Variants in SH3GL3 observed in about 807,000 individuals in gnomAD.
SH3GL3 encodes endophilin-A3.
SH3GL3 carries 33 observed loss-of-function variants against 47.7 expected under a neutral mutation model. The observed-to-expected ratio is 0.69, with a 90% CI of 0.52 to 0.92. SH3GL3 has a LOEUF of 0.92. Among genes scored for constraint, SH3GL3 ranks in the 40% least tolerant of loss-of-function variants. The probability of loss-of-function intolerance (pLI) is 0.00; values close to 1 mark genes in which losing one functional copy is unlikely to be tolerated. For missense variants in SH3GL3, 363 were observed against 417.8 expected, an observed-to-expected ratio of 0.87 and a Z score of 1.14; for synonymous variants, 155 against 148.8, an observed-to-expected ratio of 1.04 and a Z score of -0.30.
intron 1 of SH3GL3, among the ~76,000 whole-genome samples, chr15:83,459,433 A>C (rs1018120074): frequency 5.3e-5 from 8 of 152,176 alleles, no homozygotes; most frequent in African/African-American, 1.9e-4. Flanking sequence ...GGGTTTATGA[A>C]AGATGGGTCT....
At chr15:83,572,222 A>G (rs1029000786) in intron 4 of SH3GL3, among the ~76,000 whole-genome samples, 1 of 152,196 alleles carries the variant, frequency 6.6e-6, no homozygotes, top group Non-Finnish European at 1.5e-5. Flanking sequence ...AAGAGATTTT[A>G]TTCTCAAGCT....
At chr15:83,554,622 A>T (rs1411548826) in intron 1 of SH3GL3, among the ~76,000 whole-genome samples, 1 of 152,166 alleles carries the variant, frequency 6.6e-6, no homozygotes, top group African/African-American at 2.4e-5. Context: ...ACCTGACCTC[A>T]GGTGATCCAC....
chr15:83,458,865 T>C (rs1282608346), intron 1 of SH3GL3, among the ~76,000 whole-genome samples: 1 of 152,232 alleles, frequency 6.6e-6, no homozygotes, highest in African/African-American at 2.4e-5. Flanking sequence ...GGGATAGGAC[T>C]AATAGGTTAG....
Position 83,554,477 on chromosome 15 carries a change from C to T in SH3GL3, c.46-4776C>T, listed in dbSNP as rs756274755. The stretch of plus-strand genomic sequence containing the variant: ...TTGGGATTACAGGCATGAGCCACTG[C>T]ACCCAGCCTTGCTCTTAAACAACAG... On this transcript the variant is annotated intron_variant, in intron 1 of 8. Coordinates refer to ENST00000427482, the MANE Select transcript of SH3GL3 (RefSeq NM_003027.5). Among the ~76,000 whole-genome samples the T allele has an allele frequency of 2.3e-4, 35 of 152,232 alleles. No individual in the cohort carries two copies. The South Asian group carries it at 3.1e-3, about 14-fold the overall frequency.
chr15:83,449,883 C>T (rs1364016375), intron 1 of SH3GL3, among the ~76,000 whole-genome samples: 3 of 152,106 alleles, frequency 2.0e-5, no homozygotes, highest in Non-Finnish European at 4.4e-5. Flanking sequence ...TGCAATGCAA[C>T]AATTTGGTGG....
intron 2 of SH3GL3, among the ~76,000 whole-genome samples, chr15:83,561,988 A>T (rs1269446045): frequency 6.6e-6 from 1 of 150,998 alleles, no homozygotes; most frequent in South Asian, 2.1e-4. Flanking sequence ...TTGGCAGGAT[A>T]TTTGCATAGC....
At chr15:83,566,970 T>C (rs569862192) in intron 3 of SH3GL3, among the ~76,000 whole-genome samples, 1 of 152,340 alleles carries the variant, frequency 6.6e-6, no homozygotes, top group African/African-American at 2.4e-5. Flanking sequence ...TTTGGAGGCA[T>C]TGATTTAAAA....
chr15:83,491,950 C>A (rs2041890314), intron 1 of SH3GL3, among the ~76,000 whole-genome samples: 1 of 151,976 alleles, frequency 6.6e-6, no homozygotes, highest in Non-Finnish European at 1.5e-5. Context: ...GGTTTCTTGC[C>A]AAAAAATAGA....
chr15:83,478,876 T>C (rs1280010388), intron 1 of SH3GL3, among the ~76,000 whole-genome samples: 2 of 152,210 alleles, frequency 1.3e-5, no homozygotes, highest in Non-Finnish European at 2.9e-5. Context: ...GCTGATAACT[T>C]TCTCCACTGA....
intron 1 of SH3GL3, among the ~76,000 whole-genome samples, chr15:83,544,031 AT>A (rs954407425): frequency 1.5e-4 from 22 of 149,370 alleles, no homozygotes; most frequent in African/African-American, 3.2e-4. Flanking sequence ...CCTGATTTTA[AT>A]TTTTTTTTCT....
the SH3GL3 span, among the ~76,000 whole-genome samples, chr15:83,633,531 G>A: frequency 4.6e-5 from 7 of 152,018 alleles, no homozygotes; most frequent in Non-Finnish European, 1.0e-4. Flanking sequence ...ACAACCCATG[G>A]TATGCCCGCT....
chr15:83,531,839 TGA>T (rs150286529), intron 1 of SH3GL3, among the ~76,000 whole-genome samples: 1 of 150,978 alleles, frequency 6.6e-6, no homozygotes, highest in Admixed American at 6.6e-5. Flanking sequence ...TGTGTGTGTC[TGA>T]GAGAGAGAGA....
chr15:83,581,963 G>A (rs554615432), intron 6 of SH3GL3, among the ~76,000 whole-genome samples: 2 of 152,318 alleles, frequency 1.3e-5, no homozygotes, highest in South Asian at 2.1e-4. Context: ...GGATCCAAGA[G>A]GGGCAGTCCC....
intron 6 of SH3GL3, among the ~76,000 whole-genome samples, chr15:83,580,917 G>A (rs2059812850): frequency 6.6e-6 from 1 of 152,246 alleles, no homozygotes; most frequent in South Asian, 2.1e-4. Flanking sequence ...AGAGGACTTA[G>A]AAGCATTCGC....
intron 1 of SH3GL3, among the ~76,000 whole-genome samples, chr15:83,525,335 A>T: frequency 7.4e-6 from 1 of 135,042 alleles, no homozygotes; most frequent in African/African-American, 2.9e-5. Context: ...TGCTATTTTA[A>T]ATGAGATTCT....
chr15:83,597,791 G>A (rs571157817), intron 8 of SH3GL3, among the ~76,000 whole-genome samples: 2 of 152,082 alleles, frequency 1.3e-5, no homozygotes, highest in Non-Finnish European at 2.9e-5. Context: ...TGTATTTTTA[G>A]TAGAGACGGG....
At chr15:83,505,820 G>A (rs2042477825) in intron 1 of SH3GL3, among the ~76,000 whole-genome samples, 1 of 152,184 alleles carries the variant, frequency 6.6e-6, no homozygotes, top group South Asian at 2.1e-4. Flanking sequence ...ATGAGCCACT[G>A]CGTCCGGCCT....
chr15:83,618,421 A>G lies in SH3GL3; in HGVS notation c.*134A>G. ...ACTTTTGTATGTGTGCTCTCTTTAT[A>G]ATGTATTTTATATCACTTTAATTTG... On this transcript the variant is annotated 3_prime_UTR_variant, in exon 9 of 9. Transcript: ENST00000427482. 1.6e-6 allele frequency: 1 copy of G among 621,736 alleles called. No homozygotes were observed. Among genetic ancestry groups the G allele is most frequent in the East Asian group, 2.7e-5 (1 of 36,494 alleles). 38.5% of individuals were successfully genotyped at this position (621,736 alleles called of 1,614,324 possible).
intron 8 of SH3GL3, 72 bp downstream of exon 8, chr15:83,588,843 G>C: frequency 1.2e-6 from 1 of 814,624 alleles, no homozygotes; most frequent in Non-Finnish European, 2.2e-6. Context: ...TTTACTGCTT[G>C]TTTCTGGGTC....
Sources: gnomAD v4.1 joint callset for allele counts (sites outside exome capture counted in the v4.1 genomes callset) on GRCh38, gnomAD v4.1.1 for gene constraint, MANE v1.5 for transcripts, NCBI Gene and HGNC (gene_info 2026-07-23, HGNC 2026-07-21) for gene names.